SOD2: variants seen among roughly 807,000 people sequenced by gnomAD.
SOD2 encodes superoxide dismutase [Mn], mitochondrial.
In SOD2, 11 loss-of-function variants were observed where a neutral mutation model predicts 27.0. The ratio of observed to expected loss-of-function variants is 0.41; its 90% CI spans 0.26 to 0.67. SOD2 has a LOEUF of 0.67. SOD2 is among the 30% of genes least tolerant of loss of function. The probability of loss-of-function intolerance (pLI) is 0.34; values close to 1 mark genes in which losing one functional copy is unlikely to be tolerated. For missense variants in SOD2, 250 were observed against 274.5 expected, an observed-to-expected ratio of 0.91 and a Z score of 0.63; for synonymous variants, 105 against 103.0, an observed-to-expected ratio of 1.02 and a Z score of -0.12.
chr6:159,682,421 A>G lies in SOD2; in HGVS notation c.*72T>C, dbSNP rs1780000552. 3.1e-6 allele frequency: 4 copies of G among 1,299,300 alleles called. No individual in the cohort carries two copies. Among genetic ancestry groups the G allele is most frequent in the Middle Eastern group, 2.2e-4 (1 of 4,548 alleles). The allele number at this position is 1,299,300 out of a possible 1,614,324, so 80.5% of individuals were successfully genotyped here. ...ATGCTACAATAGAGCAGCTTACTGT[A>G]TTCTGCAGTACTCTATACCACTACA... On this transcript the variant is annotated 3_prime_UTR_variant, in exon 5 of 5. Transcript: ENST00000538183.
At chr6:159,686,172 C>T (rs188362419) in intron 3 of SOD2, among the ~76,000 whole-genome samples, 1 of 152,296 alleles carries the variant, frequency 6.6e-6, no homozygotes, top group East Asian at 1.9e-4. Flanking sequence ...AATCTCACTT[C>T]TCTTATTCTA....
At chr6:159,715,363 C>T (rs925608672) in intron 1 of SOD2, among the ~76,000 whole-genome samples, 5 of 152,076 alleles carry the variant, frequency 3.3e-5, no homozygotes, top group African/African-American at 1.2e-4. Flanking sequence ...AGAACCATTG[C>T]TTAAGGCCCA....
intron 1 of SOD2, among the ~76,000 whole-genome samples, chr6:159,733,289 G>T (rs922372514): frequency 2.0e-5 from 3 of 152,196 alleles, no homozygotes; most frequent in African/African-American, 2.4e-5. Context: ...AAATACTGAG[G>T]TTTTTATCTG....
intron 1 of SOD2, among the ~76,000 whole-genome samples, chr6:159,724,618 G>A (rs142877495): frequency 0.013 from 1,918 of 152,182 alleles, 19 homozygotes; most frequent in Middle Eastern, 0.075. Context: ...CCAGCATTTT[G>A]GGAGGCTAGG....
At chr6:159,731,253 G>A (rs1397412711), upstream of SOD2, among the ~76,000 whole-genome samples, 2 of 151,862 alleles carry the variant, frequency 1.3e-5, no homozygotes, top group Non-Finnish European at 2.9e-5. Context: ...CTGAGCCCAG[G>A]AGTTCAAGAC....
At chr6:159,748,798 C>T (rs750128467), upstream of SOD2, 9 of 1,232,502 alleles carry the variant, frequency 7.3e-6, no homozygotes, top group African/African-American at 1.6e-5. This position sits in a 1 kb window ranked among gnomAD's most constrained non-coding sequence, Gnocchi z 5.6. Flanking sequence ...TGTAAAATTC[C>T]AGTAAAATGT....
intron 1 of SOD2, among the ~76,000 whole-genome samples, chr6:159,744,897 C>A (rs531318798): frequency 1.8e-4 from 28 of 152,314 alleles, no homozygotes; most frequent in Non-Finnish European, 2.9e-4. Context: ...CCAGGCTGGT[C>A]TTGAACTGCT....
At chr6:159,737,846 G>A (rs1394179914) in intron 1 of SOD2, among the ~76,000 whole-genome samples, 1 of 152,210 alleles carries the variant, frequency 6.6e-6, no homozygotes, top group Admixed American at 6.5e-5. Context: ...TTTATTTGGT[G>A]TAGTGAATAT....
chr6:159,755,413 A>C, intron 1 of SOD2: 1 of 1,614,174 alleles, frequency 6.2e-7, no homozygotes. Context: ...ACGTAAATCA[A>C]CTCAGTGCGG....
Position 159,674,937 on chromosome 6 carries a change from T to G in SOD2, c.*7556A>C, listed in dbSNP as rs1779743286. The stretch of plus-strand genomic sequence containing the variant: ...AATCAATGTGCAAAAATCACAAGCA[T>G]TCTTATACACCAACAACAGACAAAC... On this transcript the variant is annotated 3_prime_UTR_variant, in exon 5 of 5. Coordinates refer to ENST00000538183, the MANE Select transcript of SOD2 (RefSeq NM_000636.4). 6.6e-6 allele frequency: 1 copy of G among 152,222 alleles called. No homozygotes were observed. Among genetic ancestry groups the G allele is most frequent in the Non-Finnish European group, 1.5e-5 (1 of 68,046 alleles). 9.4% of individuals were successfully genotyped at this position (152,222 alleles called of 1,614,324 possible).
intron 1 of SOD2, among the ~76,000 whole-genome samples, chr6:159,719,756 T>G (rs1041750913): frequency 4.0e-5 from 6 of 150,410 alleles, no homozygotes; most frequent in Non-Finnish European, 8.9e-5. Context: ...GAGAGTCTTA[T>G]TCTGTCCCCC....
In SOD2 at chr6:159,727,146, G is replaced by A. The variant is rs566586638; in HGVS notation, c.-133C>T. On this transcript the variant is annotated 5_prime_UTR_variant, in exon 1 of 3. Transcript: ENST00000401980. The stretch of plus-strand genomic sequence containing the variant: ...TCCCTTACTGAGCTTGCTGAGCTCC[G>A]GGGCCCGCGGAGCTCGCGCCAGGCT... The A allele has an allele frequency of 6.9e-4, 826 of 1,194,746 alleles. 19 individuals are homozygous for A. The South Asian group carries it at 0.011, about 16-fold the overall frequency. 74.0% of individuals were successfully genotyped at this position (1,194,746 alleles called of 1,614,324 possible).
At chr6:159,711,604 T>TCCATAACCACCA (rs1475247937) in intron 1 of SOD2, among the ~76,000 whole-genome samples, 3 of 59,682 alleles carry the variant, frequency 5.0e-5, no homozygotes, top group Admixed American at 1.6e-4. Flanking sequence ...CATAACCACC[T>TCCATAACCACCA]CCATAACCAC....
intron 1 of SOD2, among the ~76,000 whole-genome samples, chr6:159,717,944 T>TA (rs2114833925): frequency 6.6e-6 from 1 of 152,002 alleles, no homozygotes; most frequent in South Asian, 2.1e-4. Flanking sequence ...TGTATATATA[T>TA]ATACACTCAC....
chr6:159,732,884 ATAGTGTGTGTGTGTGT>A (rs1778668715), intron 1 of SOD2, among the ~76,000 whole-genome samples: 2 of 83,410 alleles, frequency 2.4e-5, no homozygotes, highest in Non-Finnish European at 4.4e-5. Context: ...GTATATATAT[ATAGTGTGTGTGTGTGT>A]GTGTGTGTGT....
At chr6:159,750,365 A>G (rs1304407569) in intron 1 of SOD2, among the ~76,000 whole-genome samples, 1 of 152,124 alleles carries the variant, frequency 6.6e-6, no homozygotes, top group Non-Finnish European at 1.5e-5. Flanking sequence ...TTTTCTTGTC[A>G]TTGTTAAAAT....
chr6:159,700,133 G>A (rs1234086956), intron 1 of SOD2, among the ~76,000 whole-genome samples: 1 of 152,206 alleles, frequency 6.6e-6, no homozygotes, highest in Non-Finnish European at 1.5e-5. Context: ...CACTAGAGGT[G>A]AGCCACTAAA....
intron 1 of SOD2, among the ~76,000 whole-genome samples, chr6:159,752,275 G>A (rs1257367740): frequency 6.6e-6 from 1 of 152,174 alleles, no homozygotes; most frequent in African/African-American, 2.4e-5. Flanking sequence ...GGACAAGAAT[G>A]TCACACTGTC....
intron 1 of SOD2, among the ~76,000 whole-genome samples, chr6:159,699,238 CATCA>C (rs1777484272): frequency 6.6e-6 from 1 of 152,232 alleles, no homozygotes; most frequent in Non-Finnish European, 1.5e-5. Flanking sequence ...CGACTCTGGT[CATCA>C]CTCTTGGACC....
Sources: allele counts gnomAD v4.1 joint callset (sites outside exome capture counted in the v4.1 genomes callset), GRCh38; gene constraint gnomAD v4.1.1; non-coding constraint Gnocchi (gnomAD v3.1); transcripts MANE v1.5; gene names NCBI Gene and HGNC (gene_info 2026-07-23, HGNC 2026-07-21).